The following TENT2 variants were observed in gnomAD, a reference collection of about 807,000 sequenced individuals.
TENT2 encodes the protein poly(A) RNA polymerase GLD2.
A neutral mutation model predicts 72.2 loss-of-function variants in TENT2; 44 were observed. The observed-to-expected ratio is 0.61, with a 90% CI of 0.48 to 0.78. The LOEUF (loss-of-function observed/expected upper bound fraction) is 0.78. Ranked by LOEUF, TENT2 falls within the 30% of genes least tolerant of loss-of-function variation. The probability of loss-of-function intolerance (pLI) is 0.00; values close to 1 mark genes in which losing one functional copy is unlikely to be tolerated. For synonymous variants in TENT2, 212 were observed against 192.5 expected (o/e 1.10, Z -0.84); for missense variants, 541 against 569.6 (o/e 0.95, Z 0.51).
intron 11 of TENT2, among the ~76,000 whole-genome samples, chr5:79,665,941 T>G (rs10942899): frequency 0.12 from 17,548 of 151,986 alleles, 1,138 homozygotes; most frequent in East Asian, 0.29. Context: ...AATACATAAC[T>G]AAAGTGGGGA....
intron 14 of TENT2, among the ~76,000 whole-genome samples, chr5:79,682,511 C>T (rs1445481528): frequency 6.6e-6 from 1 of 151,206 alleles, no homozygotes; most frequent in Admixed American, 6.6e-5. Context: ...TCTCAAACTC[C>T]TGACTTCAGG....
intron 14 of TENT2, among the ~76,000 whole-genome samples, chr5:79,683,467 G>A (rs1351090300): frequency 6.6e-6 from 1 of 152,046 alleles, no homozygotes; most frequent in Non-Finnish European, 1.5e-5. Context: ...CTGTGATTGT[G>A]CCACCGCACT....
chr5:79,629,236 A>G (rs1179395008), intron 4 of TENT2, among the ~76,000 whole-genome samples: 1 of 152,216 alleles, frequency 6.6e-6, no homozygotes, highest in Non-Finnish European at 1.5e-5. Flanking sequence ...TCTATGTTAT[A>G]TTGATACCAT....
At chr5:79,620,391 G>C (rs1192838658) in intron 3 of TENT2, among the ~76,000 whole-genome samples, 1 of 152,072 alleles carries the variant, frequency 6.6e-6, no homozygotes, top group Non-Finnish European at 1.5e-5. Context: ...TTTTAATTGA[G>C]ATTTTTTAAC....
chr5:79,665,361 C>T (rs1333765040), intron 11 of TENT2, among the ~76,000 whole-genome samples: 1 of 152,134 alleles, frequency 6.6e-6, no homozygotes, highest in African/African-American at 2.4e-5. Flanking sequence ...GAAGGTTAGC[C>T]ATTCTAACTT....
chr5:79,674,902 G>A (rs569850714), intron 12 of TENT2, among the ~76,000 whole-genome samples: 7 of 152,250 alleles, frequency 4.6e-5, no homozygotes, highest in African/African-American at 1.2e-4. Flanking sequence ...GGAGGAAGGA[G>A]TGATTATCTG....
chr5:79,685,057 C>A, intron 14 of TENT2, 142 bp from the exon 15 acceptor site: 1 of 679,282 alleles, frequency 1.5e-6, no homozygotes, highest in Non-Finnish European at 2.4e-6. Flanking sequence ...GACCTTATCT[C>A]AAAAAAAGAA....
At chr5:79,619,968 A>G (rs147708050) in intron 2 of TENT2, 26 bp from the exon 3 acceptor site, 252 of 1,538,866 alleles carry the variant, frequency 1.6e-4, no homozygotes, top group Non-Finnish European at 2.1e-4. Context: ...TGTATAAATT[A>G]CTGTTCTTTT....
chr5:79,639,754 A>G (rs1236818942), intron 4 of TENT2, among the ~76,000 whole-genome samples: 2 of 152,220 alleles, frequency 1.3e-5, no homozygotes, highest in African/African-American at 2.4e-5. Context: ...AAGATATTAT[A>G]TTGGAATTTA....
chr5:79,630,539 T>C (rs547871076), intron 4 of TENT2, among the ~76,000 whole-genome samples: 1 of 152,146 alleles, frequency 6.6e-6, no homozygotes, highest in South Asian at 2.1e-4. Context: ...ACCACGCCAC[T>C]GCACTCTAGC....
At chr5:79,622,041 C>G (rs1421944745) in intron 3 of TENT2, among the ~76,000 whole-genome samples, 1 of 152,024 alleles carries the variant, frequency 6.6e-6, no homozygotes, top group Non-Finnish European at 1.5e-5. Context: ...TGTCTCATGC[C>G]TGTAATCCCA....
chr5:79,661,936 A>G (rs1803270908), intron 11 of TENT2, among the ~76,000 whole-genome samples: 2 of 152,206 alleles, frequency 1.3e-5, no homozygotes, highest in South Asian at 4.1e-4. Context: ...TTTACCAGCT[A>G]AGTTTATGTA....
rs1299058010 is a variant in TENT2 at position 79,649,164 on chromosome 5, T to A, written c.1001T>A (p.Val334Glu). 1 of 1,613,414 alleles carries A rather than the reference T, an allele frequency of 6.2e-7. No homozygotes were observed. Among genetic ancestry groups the A allele is most frequent in the Non-Finnish European group, 8.5e-7 (1 of 1,179,622 alleles). Reference protein sequence around the residue: ...SRGTLSSYSLVLMVLHYLQTL... With the variant: ...SRGTLSSYSLELMVLHYLQTL... ...GGTACTTTAAGCAGCTATAGTCTTG[T>A]ATTGATGGTTTTGCACTATTTACAA... is the stretch of plus-strand genomic sequence containing the variant. Residue 334 changes from valine to glutamate, a missense_variant, in exon 10 of 15, where the codon GTA becomes GAA. Physicochemically the swap from Val to Glu is moderately radical, Grantham distance 121 (BLOSUM62 -2). Coordinates refer to ENST00000453514, the MANE Select transcript of TENT2 (RefSeq NM_001114394.3).
intron 9 of TENT2, 62 bp from the exon 10 acceptor site, chr5:79,649,000 A>G: frequency 6.5e-7 from 1 of 1,534,180 alleles, no homozygotes; most frequent in South Asian, 1.2e-5. Flanking sequence ...CTGGGAAATG[A>G]TGTAAACTTT....
chr5:79,616,579 AGG>A (rs1414609255), intron 1 of TENT2, among the ~76,000 whole-genome samples: 2 of 152,026 alleles, frequency 1.3e-5, no homozygotes, highest in Non-Finnish European at 2.9e-5. Context: ...CAGCCTCCCA[AGG>A]GATTACAGGC....
chr5:79,635,682 G>A (rs894110142), intron 4 of TENT2, among the ~76,000 whole-genome samples: 2 of 152,072 alleles, frequency 1.3e-5, no homozygotes, highest in Non-Finnish European at 2.9e-5. Flanking sequence ...AGCCTCCGGA[G>A]TAGCTGAGAC....
At chr5:79,648,947 G>C in intron 9 of TENT2, 115 bp from the exon 10 acceptor site, 1 of 1,189,152 alleles carries the variant, frequency 8.4e-7, no homozygotes. Context: ...CAGACACAGT[G>C]TTTAATATAC....
chr5:79,641,169 T>C lies in TENT2; in HGVS notation c.645T>C (p.Asp215=). The C allele has an allele frequency of 6.3e-7, 1 of 1,579,454 alleles. No individual in the cohort carries two copies. The highest frequency in any genetic ancestry group is 8.5e-7 in the Non-Finnish European group (1 of 1,170,038). The change falls in exon 6 of 15, where the codon GAT becomes GAC. Residue 215 remains aspartate (D), a synonymous_variant. Coordinates refer to ENST00000453514, the MANE Select transcript of TENT2 (RefSeq NM_001114394.3). ...NGFGTRSSDG[D]LCLVVKEEPC... ...TTGGTACCCGGAGCAGTGATGGTGA[T>C]TTATGCCTAGTTGTTAAGGAAGAAC...
At chr5:79,613,901 G>A (rs1167876110) in intron 1 of TENT2, 2 of 152,050 alleles carry the variant, frequency 1.3e-5, no homozygotes, top group Non-Finnish European at 2.9e-5. Context: ...ACAGTATCTT[G>A]GTTTAGCCAG....
Sources: allele counts gnomAD v4.1 joint callset (sites outside exome capture counted in the v4.1 genomes callset), GRCh38; gene constraint gnomAD v4.1.1; transcripts MANE v1.5; gene names NCBI Gene and HGNC (gene_info 2026-07-23, HGNC 2026-07-21).